ZBTB38: variants seen among roughly 807,000 people sequenced by gnomAD.
The protein encoded by ZBTB38 is zinc finger and BTB domain-containing protein 38.
Under a neutral mutation model 76.8 loss-of-function variants are expected in ZBTB38, and 20 were observed. The observed-to-expected ratio is 0.26, with a 90% CI of 0.18 to 0.38. ZBTB38 has a LOEUF of 0.38. Among genes scored for constraint, ZBTB38 ranks in the 10% least tolerant of loss-of-function variants. The pLI is 1.00. For synonymous variants in ZBTB38, 504 were observed against 544.2 expected, an observed-to-expected ratio of 0.93 and a Z score of 1.03; for missense variants, 1,082 against 1,482.3, an observed-to-expected ratio of 0.73 and a Z score of 4.43.
intron 5 of ZBTB38, among the ~76,000 whole-genome samples, chr3:141,417,238 C>T (rs1055944105): frequency 6.6e-6 from 1 of 152,202 alleles, no homozygotes; most frequent in Non-Finnish European, 1.5e-5. Flanking sequence ...TGCATGCTCA[C>T]GTTTGCAACC....
chr3:141,382,430 G>A (rs764608822), intron 3 of ZBTB38, among the ~76,000 whole-genome samples: 18 of 152,140 alleles, frequency 1.2e-4, no homozygotes, highest in Non-Finnish European at 8.8e-5. Flanking sequence ...TATGAAGTGT[G>A]TGATCTTGGG....
chr3:141,431,341 A>AAAAAAAAAAAAAATATATAT, intron 5 of ZBTB38, among the ~76,000 whole-genome samples: 1 of 103,284 alleles, frequency 9.7e-6, no homozygotes, highest in South Asian at 2.8e-4. Flanking sequence ...AAAAAAAAAA[A>AAAAAAAAAAAAAATATATAT]ATATATATAT....
At chr3:141,331,021 C>T (rs994596946) in intron 1 of ZBTB38, among the ~76,000 whole-genome samples, 3 of 152,230 alleles carry the variant, frequency 2.0e-5, no homozygotes, top group Admixed American at 1.3e-4. Context: ...CATGTACTTT[C>T]CCCATGTCTC....
chr3:141,418,147 G>C (rs1443954457), intron 5 of ZBTB38, among the ~76,000 whole-genome samples: 1 of 152,172 alleles, frequency 6.6e-6, no homozygotes, highest in East Asian at 1.9e-4. Context: ...TATGTAGTTA[G>C]GGGGTGAGAA....
At chr3:141,434,236 G>A in intron 5 of ZBTB38, 1 of 983,832 alleles carries the variant, frequency 1.0e-6, no homozygotes, top group Admixed American at 6.1e-5. Flanking sequence ...AACAAATGAG[G>A]ATTGCCAGGT....
chr3:141,346,394 A>G (rs575037782), intron 1 of ZBTB38, among the ~76,000 whole-genome samples: 111 of 152,240 alleles, frequency 7.3e-4, no homozygotes, highest in Admixed American at 1.4e-3. Context: ...TTGGCTGGAG[A>G]AATTTCCTCG....
intron 1 of ZBTB38, among the ~76,000 whole-genome samples, chr3:141,353,450 C>T (rs1460060260): frequency 6.6e-6 from 1 of 152,000 alleles, no homozygotes; most frequent in Non-Finnish European, 1.5e-5. Flanking sequence ...ACTCTTGCTA[C>T]TAACCAAAAA....
rs765619621 is a variant in ZBTB38 at position 141,443,605 on chromosome 3, A to G, written c.1217A>G (p.Gln406Arg). 7 of 1,614,212 alleles carry G rather than the reference A, an allele frequency of 4.3e-6. No homozygotes were observed. The South Asian group carries it at 6.6e-5, about 15-fold the overall frequency. ...SSHMPIPGGN[Q>R]RFLENYPTIG... ...CACATGCCCATTCCTGGAGGAAACC[A>G]ACGCTTTTTAGAAAACTATCCTACC... The change falls in exon 6 of 6, where the codon CAA (glutamine) becomes CGA (arginine). Residue 406 changes from glutamine to arginine, a missense_variant. Around this residue, in one of 8 missense-constraint regions of ZBTB38, gnomAD observed 324 missense variants for 359.1 expected, o/e 0.90. Transcript: ENST00000321464. The surrounding 1 kb of genome is among the most constrained non-coding windows in gnomAD (Gnocchi z 5.6).
At chr3:141,366,685 G>A (rs901881061), upstream of ZBTB38, 3 of 152,180 alleles carry the variant, frequency 2.0e-5, no homozygotes, top group Non-Finnish European at 4.4e-5. Context: ...CCTGAGTCAG[G>A]GAGAGTGGTC....
At position 141,437,801 on chromosome 3, in the gene ZBTB38, C is replaced by A. The variant is rs193152261; in HGVS notation, c.1-4588C>A. Among the ~76,000 whole-genome samples, 3 of 152,278 alleles carry A rather than the reference C, an allele frequency of 2.0e-5. No homozygotes were observed. In the East Asian group the frequency reaches 5.8e-4, roughly 29 times the overall value. Reference sequence around the variant, plus strand: ...GAATACCTCCCAGGTGATTTTGATGCCTGACCAGGTTTAGGAACCAATGTC... The same window carrying A: ...GAATACCTCCCAGGTGATTTTGATGACTGACCAGGTTTAGGAACCAATGTC... On this transcript the variant is annotated intron_variant, in intron 5 of 5. Transcript: ENST00000321464.
chr3:141,325,237 A>T (rs1269799207), intron 1 of ZBTB38, among the ~76,000 whole-genome samples: 1 of 152,246 alleles, frequency 6.6e-6, no homozygotes, highest in East Asian at 1.9e-4. Flanking sequence ...AATTAACCAC[A>T]CAGTAATTTA....
At chr3:141,393,925 C>T (rs918394425) in intron 4 of ZBTB38, among the ~76,000 whole-genome samples, 4 of 152,128 alleles carry the variant, frequency 2.6e-5, no homozygotes, top group African/African-American at 7.2e-5. Flanking sequence ...GATTGTGAAG[C>T]GCCTACAGAT....
At chr3:141,417,712 A>G (rs1297790794) in intron 5 of ZBTB38, among the ~76,000 whole-genome samples, 1 of 152,192 alleles carries the variant, frequency 6.6e-6, no homozygotes, top group Non-Finnish European at 1.5e-5. Flanking sequence ...AGTTGTACAT[A>G]GAGAGCTTAT....
At chr3:141,408,859 A>G (rs1319621964) in intron 5 of ZBTB38, among the ~76,000 whole-genome samples, 1 of 152,192 alleles carries the variant, frequency 6.6e-6, no homozygotes, top group Non-Finnish European at 1.5e-5. Context: ...TCCTAGAAAC[A>G]GAGTTTCTCT....
Position 141,445,324 on chromosome 3 carries a change from T to G in ZBTB38, c.2936T>G (p.Met979Arg), listed in dbSNP as rs1559969338. 6.2e-7 allele frequency: 1 copy of G among 1,614,128 alleles called. No homozygotes were observed. Among genetic ancestry groups the G allele is most frequent in the East Asian group, 2.2e-5 (1 of 44,868 alleles). Residue 979 changes from methionine to arginine, a missense_variant, in exon 6 of 6, where the codon ATG becomes AGG. Met to Arg is a moderately conservative substitution (Grantham distance 91). Around this residue, in one of 8 missense-constraint regions of ZBTB38, gnomAD observed 471 missense variants for 581.0 expected, o/e 0.81. Transcript: ENST00000321464. This position sits in a 1 kb window ranked among gnomAD's most constrained non-coding sequence, Gnocchi z 6.5. ...TTTGAGGAAGAAGAAACTAAAGAGA[T>G]GCCCAAGCTGCAGTGTGAACTCTGT... ...KPFEEEETKE[M>R]PKLQCELCDG...
intron 1 of ZBTB38, among the ~76,000 whole-genome samples, chr3:141,332,140 CT>C (rs1280776811): frequency 6.6e-6 from 1 of 152,124 alleles, no homozygotes; most frequent in East Asian, 1.9e-4. Flanking sequence ...CATCCTAATA[CT>C]TTTTTCCTAA....
chr3:141,340,949 G>GAAAAGAAAA lies in ZBTB38; in HGVS notation c.-739+16493_-739+16494insAAAAGAAAA, dbSNP rs1943165885. Among the ~76,000 whole-genome samples the GAAAAGAAAA allele has an allele frequency of 3.5e-4, 39 of 112,000 alleles. 1 individual carries two copies. Among genetic ancestry groups the GAAAAGAAAA allele is most frequent in the Non-Finnish European group, 4.8e-4 (28 of 57,924 alleles). The allele number at this position is 112,000 out of a possible 152,430, so 73.5% of individuals were successfully genotyped here. ...GGAAAAAAGAAAAGAAAAGAAAGAA[G>GAAAAGAAAA]GAAAGAAAGAAAGAAAGAAAGAAAG... is the stretch of plus-strand genomic sequence containing the variant. On this transcript the variant is annotated intron_variant, in intron 1 of 7. Coordinates refer to the ZBTB38 transcript ENST00000509842.
At chr3:141,426,199 A>C in intron 5 of ZBTB38, 2 of 1,289,362 alleles carry the variant, frequency 1.6e-6, no homozygotes, top group Non-Finnish European at 2.0e-6. Flanking sequence ...GTCAGAAGTC[A>C]CAGGCCAGGT....
intron 5 of ZBTB38, among the ~76,000 whole-genome samples, chr3:141,419,127 G>A (rs916644434): frequency 2.6e-5 from 4 of 152,206 alleles, no homozygotes; most frequent in Non-Finnish European, 5.9e-5. Context: ...CTTAATCATG[G>A]CAGAAGGTAA....
Sources: allele counts gnomAD v4.1 joint callset (sites outside exome capture counted in the v4.1 genomes callset), GRCh38; gene constraint gnomAD v4.1.1; regional missense constraint gnomAD v4.1.1; non-coding constraint Gnocchi (gnomAD v3.1); transcripts MANE v1.5; gene names NCBI Gene and HGNC (gene_info 2026-07-23, HGNC 2026-07-21).